Variants in CALN1 observed in about 807,000 individuals in gnomAD.
The protein encoded by CALN1 is calneuron 1.
A neutral mutation model predicts 30.6 loss-of-function variants in CALN1; 17 were observed. The observed-to-expected ratio is 0.56, with a 90% CI of 0.38 to 0.83. The LOEUF is 0.83. CALN1 is among the 40% of genes least tolerant of loss of function. The pLI is 0.00. For synonymous variants in CALN1, 156 were observed against 131.4 expected, an observed-to-expected ratio of 1.19 and a Z score of -1.28; for missense variants, 291 against 354.9, an observed-to-expected ratio of 0.82 and a Z score of 1.45.
intron 2 of CALN1, among the ~76,000 whole-genome samples, chr7:72,397,742 A>ACACACACACACG (rs1375318968): frequency 6.6e-6 from 1 of 151,318 alleles, no homozygotes; most frequent in Admixed American, 6.6e-5. Flanking sequence ...ACACACACAC[A>ACACACACACACG]CACACACACC....
At chr7:72,142,970 T>A (rs1402258079) in intron 3 of CALN1, among the ~76,000 whole-genome samples, 1 of 152,046 alleles carries the variant, frequency 6.6e-6, no homozygotes, top group Non-Finnish European at 1.5e-5. Flanking sequence ...CAAAACCCTA[T>A]CTGTACGTCA....
intron 6 of CALN1, among the ~76,000 whole-genome samples, chr7:71,793,134 G>A (rs560806157): frequency 7.2e-5 from 11 of 151,846 alleles, no homozygotes; most frequent in African/African-American, 1.7e-4. Context: ...GTGAAACTCC[G>A]TCTCTACTAA....
At chr7:72,074,060 G>A (rs528713428) in intron 4 of CALN1, among the ~76,000 whole-genome samples, 1 of 152,202 alleles carries the variant, frequency 6.6e-6, no homozygotes. Context: ...TAAGAACTGG[G>A]GAGAATCAAG....
chr7:72,368,187 G>GTATATATATATGTGTGTGTA (rs1803991268), intron 2 of CALN1, among the ~76,000 whole-genome samples: 1 of 150,258 alleles, frequency 6.7e-6, no homozygotes, highest in African/African-American at 2.5e-5. Context: ...ATGTGTATCT[G>GTATATATATATGTGTGTGTA]TATATATATA....
chr7:72,062,540 T>G (rs6978119), intron 4 of CALN1, among the ~76,000 whole-genome samples: 2 of 142,600 alleles, frequency 1.4e-5, no homozygotes, highest in Non-Finnish European at 3.0e-5. Flanking sequence ...AGAAAAAAAA[T>G]AAATAAATAA....
chr7:72,278,755 G>C lies in CALN1; in HGVS notation c.175C>G (p.Leu59Val). 6.2e-7 allele frequency: 1 copy of C among 1,614,080 alleles called. No individual in the cohort carries two copies. Among genetic ancestry groups the C allele is most frequent in the Non-Finnish European group, 8.5e-7 (1 of 1,179,966 alleles). The change falls in exon 3 of 7, where the codon CTC becomes GTC. Residue 59 changes from leucine to valine, a missense_variant. Leu to Val is a conservative substitution (Grantham distance 32). Transcript: ENST00000395275. ...CTGCCAGCAGAGAGCGATCGGTTGA[G>C]GTAATTCCCCTTGTACAACAAGCCG... ...TAGLLYKGNY[L>V]NRSLSAGSDS...
intron 5 of CALN1, among the ~76,000 whole-genome samples, chr7:71,812,648 C>T (rs562799240): frequency 1.3e-5 from 2 of 152,226 alleles, no homozygotes; most frequent in African/African-American, 2.4e-5. Flanking sequence ...AAATTCCTGG[C>T]GTTGCAGCAT....
intron 4 of CALN1, among the ~76,000 whole-genome samples, chr7:72,046,979 A>G (rs1802514335): frequency 6.6e-6 from 1 of 152,038 alleles, no homozygotes; most frequent in South Asian, 2.1e-4. Context: ...TGGCAAAATC[A>G]CCTGAGCCCA....
chr7:72,140,427 C>G (rs1331019790), intron 3 of CALN1, among the ~76,000 whole-genome samples: 1 of 151,834 alleles, frequency 6.6e-6, no homozygotes, highest in African/African-American at 2.4e-5. Flanking sequence ...GAACCAGAGT[C>G]CCACCTCCTT....
chr7:72,364,078 A>G (rs1182969395), intron 2 of CALN1, among the ~76,000 whole-genome samples: 2 of 149,064 alleles, frequency 1.3e-5, no homozygotes, highest in African/African-American at 2.5e-5. Context: ...AAAAAAAAAT[A>G]CTTTACTATA....
At chr7:72,198,818 G>T (rs959522630) in intron 3 of CALN1, among the ~76,000 whole-genome samples, 4 of 152,156 alleles carry the variant, frequency 2.6e-5, no homozygotes, top group African/African-American at 9.7e-5. Context: ...GCTTTCATTT[G>T]GGATGGGAAG....
intron 3 of CALN1, among the ~76,000 whole-genome samples, chr7:72,229,101 T>C (rs150477476): frequency 8.6e-5 from 13 of 151,772 alleles, no homozygotes; most frequent in Admixed American, 7.9e-4. Context: ...GCACTAAAGA[T>C]ACAATCAGGG....
intron 5 of CALN1, among the ~76,000 whole-genome samples, chr7:72,013,092 C>G (rs1311249612): frequency 6.6e-6 from 1 of 152,084 alleles, no homozygotes. Flanking sequence ...GCCACTGTAC[C>G]CGGCCGGCTT....
At position 72,412,109 on chromosome 7, in the gene CALN1, A is replaced by C. The variant is rs1377031443; in HGVS notation, c.-125T>G. 6.6e-6 allele frequency: 1 copy of C among 152,430 alleles called. No individual in the cohort carries two copies. Among genetic ancestry groups the C allele is most frequent in the Non-Finnish European group, 1.5e-5 (1 of 68,122 alleles). 9.4% of individuals were successfully genotyped at this position (152,430 alleles called of 1,614,324 possible). A position where few individuals can be genotyped will look rare whatever the true frequency, so the allele number is the denominator to read the frequency against. On this transcript the variant is annotated 5_prime_UTR_variant, in exon 1 of 7. Transcript: ENST00000395275. Reference sequence around the variant, plus strand: ...TGGGTTGTTGGTCTCGCCGACTTTAAGAATAAAACCACGGACCTCGCGGTG... The same window carrying C: ...TGGGTTGTTGGTCTCGCCGACTTTACGAATAAAACCACGGACCTCGCGGTG...
intron 5 of CALN1, among the ~76,000 whole-genome samples, chr7:71,885,989 C>T (rs1371888010): frequency 6.6e-6 from 1 of 152,208 alleles, no homozygotes; most frequent in Admixed American, 6.5e-5. Context: ...AATTCCTTCC[C>T]AACAAACATA....
chr7:71,795,809 TCA>T (rs2115966637), intron 6 of CALN1, among the ~76,000 whole-genome samples: 1 of 142,590 alleles, frequency 7.0e-6, no homozygotes, highest in South Asian at 2.3e-4. Context: ...TACCAGTACT[TCA>T]TTCTTTTTTT....
chr7:71,943,880 T>A (rs1049143844), intron 5 of CALN1, among the ~76,000 whole-genome samples: 1 of 152,028 alleles, frequency 6.6e-6, no homozygotes, highest in Non-Finnish European at 1.5e-5. Flanking sequence ...ATAGGCAGGA[T>A]GAAAATGGGG....
intron 1 of CALN1, among the ~76,000 whole-genome samples, chr7:72,434,508 G>A (rs868672201): frequency 6.6e-5 from 10 of 151,722 alleles, no homozygotes; most frequent in African/African-American, 1.5e-4. Flanking sequence ...GTGACAGTGC[G>A]AGACTCCATC....
chr7:72,035,969 T>C (rs776523740), intron 4 of CALN1, among the ~76,000 whole-genome samples: 3 of 152,240 alleles, frequency 2.0e-5, no homozygotes, highest in Non-Finnish European at 2.9e-5. Flanking sequence ...CAAGTTACTG[T>C]CTAGTGTCCG....
Sources: gnomAD v4.1 joint callset for allele counts (sites outside exome capture counted in the v4.1 genomes callset) on GRCh38, gnomAD v4.1.1 for gene constraint, MANE v1.5 for transcripts, NCBI Gene and HGNC (gene_info 2026-07-23, HGNC 2026-07-21) for gene names.